CBLB: variants seen among roughly 807,000 people sequenced by gnomAD.
CBLB encodes the protein E3 ubiquitin-protein ligase CBL-B.
In CBLB, 31 loss-of-function variants were observed where a neutral mutation model predicts 104.9. The observed-to-expected ratio is 0.30, with a 90% CI of 0.22 to 0.40. The LOEUF is 0.40. Ranked by LOEUF, CBLB falls within the 10% of genes least tolerant of loss-of-function variation. CBLB has a pLI of 1.00. For missense variants in CBLB, 1,062 were observed against 1,214.6 expected (o/e 0.87, Z 1.87); for synonymous variants, 440 against 422.6 (o/e 1.04, Z -0.51).
chr3:105,684,749 C>T (rs2066792353), intron 14 of CBLB, among the ~76,000 whole-genome samples: 1 of 152,100 alleles, frequency 6.6e-6, no homozygotes, highest in South Asian at 2.1e-4. Context: ...GACAGGGTTT[C>T]ACCATGTTGG....
intron 3 of CBLB, among the ~76,000 whole-genome samples, chr3:105,802,688 GACACACCTT>G (rs2083033097): frequency 6.9e-6 from 1 of 145,854 alleles, no homozygotes; most frequent in Non-Finnish European, 1.5e-5. Flanking sequence ...GCTCCATCTA[GACACACCTT>G]CAATCTGTAC....
At chr3:105,830,210 G>A (rs771102374) in intron 3 of CBLB, among the ~76,000 whole-genome samples, 12 of 151,654 alleles carry the variant, frequency 7.9e-5, no homozygotes, top group Admixed American at 2.6e-4. Flanking sequence ...ACCATGATGA[G>A]AAAAGCCTAC....
At chr3:105,755,541 T>G (rs1193123984) in intron 4 of CBLB, among the ~76,000 whole-genome samples, 6 of 150,798 alleles carry the variant, frequency 4.0e-5, no homozygotes, top group Admixed American at 6.6e-5. Context: ...ATGAAACCAC[T>G]AGTTCATAAA....
intron 3 of CBLB, among the ~76,000 whole-genome samples, chr3:105,847,631 T>C (rs891808629): frequency 6.6e-6 from 1 of 151,920 alleles, no homozygotes; most frequent in Non-Finnish European, 1.5e-5. Flanking sequence ...CCAGTGGTTG[T>C]CTAGCAGTGT....
chr3:105,846,437 T>C (rs770104188), intron 3 of CBLB, among the ~76,000 whole-genome samples: 32 of 152,088 alleles, frequency 2.1e-4, no homozygotes, highest in Non-Finnish European at 3.4e-4. Context: ...ATAATTGTTA[T>C]AATAACAAAA....
chr3:105,685,532 A>T lies in CBLB; in HGVS notation c.2055-66T>A. On this transcript the variant is annotated intron_variant, in intron 13 of 18. Coordinates refer to ENST00000394030, the MANE Select transcript of CBLB (RefSeq NM_170662.5). ...ATTCAAAACAGGCAAGTCTGATGTG[A>T]CATATTCAAGTCAAAGAAGCTACTT... is the stretch of plus-strand genomic sequence containing the variant. 10 of 1,324,480 alleles carry T rather than the reference A, an allele frequency of 7.6e-6. No individual in the cohort carries two copies. In the South Asian group the frequency reaches 1.2e-4, roughly 16 times the overall value. The allele number at this position is 1,324,480 out of a possible 1,614,324, so 82.0% of individuals were successfully genotyped here.
chr3:105,731,328 T>C (rs1388846021), intron 9 of CBLB, among the ~76,000 whole-genome samples: 1 of 152,210 alleles, frequency 6.6e-6, no homozygotes, highest in African/African-American at 2.4e-5. Flanking sequence ...AAATTGAGAC[T>C]TTAAGTGAAA....
rs552204606 is a variant in CBLB, at chr3:105,658,721, C to T, written c.*249G>A. On this transcript the variant is annotated 3_prime_UTR_variant, in exon 19 of 19. Coordinates refer to ENST00000394030, the MANE Select transcript of CBLB (RefSeq NM_170662.5). ...AGGTTCAAAGTTCAAGGGAAGTAAACGTCTTTAAATTATTTTTGTCAGTTC... is the reference window on the plus strand; with the variant it reads ...AGGTTCAAAGTTCAAGGGAAGTAAATGTCTTTAAATTATTTTTGTCAGTTC... 2.2e-4 allele frequency: 116 copies of T among 539,472 alleles called. No individual in the cohort carries two copies. The highest frequency in any genetic ancestry group is 6.2e-4 in the South Asian group (24 of 38,906). 33.4% of individuals were successfully genotyped at this position (539,472 alleles called of 1,614,324 possible). A position where few individuals can be genotyped will look rare whatever the true frequency, so the allele number is the denominator to read the frequency against.
chr3:105,701,856 T>G (rs1284780328), intron 12 of CBLB, among the ~76,000 whole-genome samples: 1 of 151,884 alleles, frequency 6.6e-6, no homozygotes, highest in Non-Finnish European at 1.5e-5. Context: ...GTGAAATAAA[T>G]CTCTGGCAAA....
intron 3 of CBLB, among the ~76,000 whole-genome samples, chr3:105,780,807 C>A (rs561662543): frequency 2.0e-5 from 3 of 151,502 alleles, no homozygotes; most frequent in African/African-American, 7.3e-5. Flanking sequence ...GGACTACAGG[C>A]GCCCGCCACC....
At chr3:105,869,376 G>A (rs1162920367), upstream of CBLB, 5 of 1,342,882 alleles carry the variant, frequency 3.7e-6, no homozygotes, top group Admixed American at 1.1e-4. Context: ...TCGGGACCGG[G>A]AGCCAAAGCC....
intron 18 of CBLB, among the ~76,000 whole-genome samples, chr3:105,660,851 G>GA (rs35549167): frequency 0.26 from 39,291 of 152,024 alleles, 5,223 homozygotes; most frequent in Admixed American, 0.27. Flanking sequence ...CCAGGAGAAG[G>GA]TAACTTGTAA....
intron 14 of CBLB, 31 bp downstream of exon 14, chr3:105,685,289 G>C: frequency 6.3e-7 from 1 of 1,585,420 alleles, no homozygotes; most frequent in Non-Finnish European, 8.7e-7. Flanking sequence ...TTATGCAGAT[G>C]TAAGTGGCAA....
chr3:105,805,816 C>T (rs1246510867), intron 3 of CBLB, among the ~76,000 whole-genome samples: 1 of 151,806 alleles, frequency 6.6e-6, no homozygotes, highest in Non-Finnish European at 1.5e-5. Flanking sequence ...ACTTTGCCAC[C>T]ATCAGTAGTA....
At position 105,772,314 on chromosome 3, in the gene CBLB, G is replaced by T. The variant is rs151175030; in HGVS notation, c.566+4082C>A. Among the ~76,000 whole-genome samples the T allele has an allele frequency of 3.3e-3, 497 of 152,168 alleles. 3 individuals carry two copies. The highest frequency in any genetic ancestry group is 3.9e-3 in the Non-Finnish European group (268 of 67,982). ...TAAACTGTGCTGGAAAAACTGGCAG[G>T]CCACATGTAGAAGAATGAAACTGGA... On this transcript the variant is annotated intron_variant, in intron 4 of 18. Coordinates refer to ENST00000394030, the MANE Select transcript of CBLB (RefSeq NM_170662.5).
chr3:105,816,057 G>T (rs2085005607), intron 3 of CBLB, among the ~76,000 whole-genome samples: 2 of 152,098 alleles, frequency 1.3e-5, no homozygotes, highest in African/African-American at 4.8e-5. Flanking sequence ...CTGTCGGGAG[G>T]TAGGGGGCAA....
intron 10 of CBLB, among the ~76,000 whole-genome samples, chr3:105,715,321 G>A (rs1390275802): frequency 4.6e-5 from 7 of 152,258 alleles, no homozygotes; most frequent in African/African-American, 1.7e-4. Context: ...ATTCTAGTTA[G>A]TATCACAAAA....
chr3:105,820,613 A>C (rs1376131917), intron 3 of CBLB, among the ~76,000 whole-genome samples: 5 of 152,176 alleles, frequency 3.3e-5, no homozygotes, highest in Non-Finnish European at 5.9e-5. Context: ...GCTTAGAAAG[A>C]GTATCATTTG....
intron 3 of CBLB, among the ~76,000 whole-genome samples, chr3:105,833,467 A>G (rs1311550227): frequency 1.3e-5 from 2 of 152,178 alleles, no homozygotes; most frequent in Admixed American, 6.5e-5. Context: ...AACAAAAACT[A>G]GGAACTTTTA....
Sources: gnomAD v4.1 joint callset for allele counts (sites outside exome capture counted in the v4.1 genomes callset) on GRCh38, gnomAD v4.1.1 for gene constraint, MANE v1.5 for transcripts, NCBI Gene and HGNC (gene_info 2026-07-23, HGNC 2026-07-21) for gene names.